The following COQ10B variants were observed in gnomAD, a reference collection of about 807,000 sequenced individuals.
COQ10B encodes coenzyme Q10B.
A neutral mutation model predicts 27.6 loss-of-function variants in COQ10B; 12 were observed. The observed-to-expected ratio is 0.43, with a 90% CI of 0.28 to 0.70. COQ10B has a LOEUF of 0.70. Ranked by LOEUF, COQ10B falls within the 30% of genes least tolerant of loss-of-function variation. COQ10B has a pLI of 0.17. For missense variants in COQ10B, 278 were observed against 288.7 expected, an observed-to-expected ratio of 0.96 and a Z score of 0.27; for synonymous variants, 115 against 103.0, an observed-to-expected ratio of 1.12 and a Z score of -0.71.
In COQ10B at chr2:197,470,121, T is replaced by C; in HGVS notation, c.499T>C (p.Phe167Leu). Residue 167 changes from phenylalanine (F) to leucine (L), a missense_variant, in exon 4 of 5, where the codon TTT (phenylalanine) becomes CTT (leucine). Physicochemically the swap from Phe to Leu is conservative, Grantham distance 22. Around this residue, in one of 3 missense-constraint regions of COQ10B, gnomAD observed 83 missense variants for 104.5 expected, o/e 0.79. Transcript: ENST00000263960. ...LFNHLETIWR[F>L]SPGLPGYPRT... is the part of the protein sequence containing the mutation. ...CAATCATTTGGAGACTATTTGGCGT[T>C]TTAGCCCAGGTCTTCCTGGCTACCC... The C allele has an allele frequency of 6.2e-7, 1 of 1,613,706 alleles. No individual in the cohort carries two copies. Among genetic ancestry groups the C allele is most frequent in the Non-Finnish European group, 8.5e-7 (1 of 1,179,686 alleles).
At chr2:197,470,355 A>C (rs937890661) in intron 4 of COQ10B, among the ~76,000 whole-genome samples, 184 bp downstream of exon 4, 1 of 152,238 alleles carries the variant, frequency 6.6e-6, no homozygotes, top group African/African-American at 2.4e-5. Context: ...GTTTTTTACA[A>C]ATCTGTAGAT....
At chr2:197,460,215 T>TC (rs949009474) in intron 2 of COQ10B, 134 bp downstream of exon 2, 6 of 568,192 alleles carry the variant, frequency 1.1e-5, no homozygotes, top group African/African-American at 6.0e-5. Flanking sequence ...TTTTTCTTTT[T>TC]TTTTTTTTTT....
intron 4 of COQ10B, among the ~76,000 whole-genome samples, chr2:197,473,057 G>A (rs990385938): frequency 2.7e-4 from 41 of 152,172 alleles, no homozygotes; most frequent in Admixed American, 2.1e-3. Context: ...TTAAGAAACA[G>A]ACTTTTTCCC....
At chr2:197,457,317 A>G (rs755901056) in intron 1 of COQ10B, among the ~76,000 whole-genome samples, 12 of 152,242 alleles carry the variant, frequency 7.9e-5, no homozygotes, top group Non-Finnish European at 1.6e-4. Flanking sequence ...TCAAATAGGT[A>G]GAAAGAGTAT....
In COQ10B at chr2:197,463,431, G is replaced by A. The variant is rs185388091; in HGVS notation, c.447+700G>A. ...GGTTGCAGTGTGCCGAGATAGTGCC[G>A]CTGCACTGCAGCCTGGGCAACACAG... On this transcript the variant is annotated intron_variant, in intron 3 of 4. Transcript: ENST00000263960. 4.4e-3 allele frequency among the ~76,000 whole-genome samples: 668 copies of A among 150,888 alleles called. 3 individuals carry two copies. Among genetic ancestry groups the A allele is most frequent in the African/African-American group, 0.016 (637 of 41,062 alleles).
chr2:197,464,066 T>TATAC (rs1553574174), intron 3 of COQ10B, among the ~76,000 whole-genome samples: 118 of 107,266 alleles, frequency 1.1e-3, no homozygotes, highest in South Asian at 9.8e-3. Context: ...TATATATATA[T>TATAC]ACACACACAC....
intron 4 of COQ10B, among the ~76,000 whole-genome samples, chr2:197,472,021 A>T (rs2085882811): frequency 6.6e-6 from 1 of 151,844 alleles, no homozygotes; most frequent in Non-Finnish European, 1.5e-5. Context: ...ATCTAGTAGT[A>T]GTAACTCCCT....
At position 197,473,764 on chromosome 2, in the gene COQ10B, T is replaced by C; in HGVS notation, c.557T>C (p.Phe186Ser). 1.3e-6 allele frequency: 2 copies of C among 1,488,990 alleles called. No homozygotes were observed. Among genetic ancestry groups the C allele is most frequent in the Non-Finnish European group, 1.8e-6 (2 of 1,113,082 alleles). The allele number at this position is 1,488,990 out of a possible 1,614,324, so 92.2% of individuals were successfully genotyped here. Reference protein sequence around the residue: ...RTCTLDFSISFEFRSLLHSQL... With the variant: ...RTCTLDFSISSEFRSLLHSQL... ...TTCAATATTTTCCTACAGATTTCTTTTGAATTTCGATCACTTCTACATTCC... is the reference window on the plus strand; with the variant it reads ...TTCAATATTTTCCTACAGATTTCTTCTGAATTTCGATCACTTCTACATTCC... The change falls in exon 5 of 5, where the codon TTT becomes TCT. Residue 186 changes from phenylalanine (F) to serine (S), a missense_variant. Physicochemically the swap from Phe to Ser is radical, Grantham distance 155. Transcript: ENST00000263960.
chr2:197,456,993 G>T (rs2106045006), intron 1 of COQ10B, among the ~76,000 whole-genome samples: 1 of 152,104 alleles, frequency 6.6e-6, no homozygotes, highest in South Asian at 2.1e-4. Flanking sequence ...CTACAAATGG[G>T]GGTGGTGGGG....
At chr2:197,455,487 G>A (rs1052345870) in intron 1 of COQ10B, among the ~76,000 whole-genome samples, 1 of 151,930 alleles carries the variant, frequency 6.6e-6, no homozygotes, top group Non-Finnish European at 1.5e-5. Context: ...GTGTGTGTGT[G>A]TATACACATA....
chr2:197,470,014 T>C, intron 3 of COQ10B, 56 bp from the exon 4 acceptor site: 1 of 1,040,014 alleles, frequency 9.6e-7, no homozygotes, highest in East Asian at 2.4e-5. Flanking sequence ...GATTCTTAGA[T>C]TATGTCCAGT....
At chr2:197,454,013 TG>T in intron 1 of COQ10B, 1 of 1,551,266 alleles carries the variant, frequency 6.4e-7, no homozygotes, top group Non-Finnish European at 8.7e-7. Flanking sequence ...GCAGAAGGGT[TG>T]CCGGCTGCTG....
At position 197,467,325 on chromosome 2, in the gene COQ10B, T is replaced by TTTGA. The variant is rs536980223; in HGVS notation, c.448-2728_448-2725dup. 3.2e-4 allele frequency among the ~76,000 whole-genome samples: 49 copies of TTTGA among 151,162 alleles called. No homozygotes were observed. The South Asian group carries it at 8.2e-3, about 25-fold the overall frequency. ...TCGCTCTTGTTACCCAGGTTCTGGATTTGATTGATTGATTGATTGAGATGG... is the reference window on the plus strand; with the variant it reads ...TCGCTCTTGTTACCCAGGTTCTGGATTTGATTGATTGATTGATTGATTGAGATGG... On this transcript the variant is annotated intron_variant, in intron 3 of 4. Coordinates refer to ENST00000263960, the MANE Select transcript of COQ10B (RefSeq NM_025147.5).
At chr2:197,463,976 TATATATATATATATATATATACAC>T (rs1206221443) in intron 3 of COQ10B, among the ~76,000 whole-genome samples, 3 of 73,812 alleles carry the variant, frequency 4.1e-5, no homozygotes, top group Non-Finnish European at 7.7e-5. Flanking sequence ...TATATATATA[TATATATATATATATATATATACAC>T]ACACACACAC....
chr2:197,457,220 G>A lies in COQ10B; in HGVS notation c.105-2712G>A, dbSNP rs140838480. Among the ~76,000 whole-genome samples the A allele has an allele frequency of 9.8e-4, 150 of 152,318 alleles. 1 individual carries two copies. The highest frequency in any genetic ancestry group is 3.4e-3 in the African/African-American group (143 of 41,568). On this transcript the variant is annotated intron_variant, in intron 1 of 4. Coordinates refer to ENST00000263960, the MANE Select transcript of COQ10B (RefSeq NM_025147.5). ...TGCAGCCTGGTTCCTAACAGGCCAC[G>A]GACAGGTACCAGTCCATGGCCTGGG...
intron 1 of COQ10B, among the ~76,000 whole-genome samples, chr2:197,455,858 T>C (rs1195906430): frequency 3.3e-5 from 5 of 151,962 alleles, no homozygotes; most frequent in Admixed American, 3.3e-4. Context: ...TCATTGGGAC[T>C]TGGGGTGGGA....
chr2:197,455,538 G>C (rs1329209201), intron 1 of COQ10B, among the ~76,000 whole-genome samples: 1 of 152,166 alleles, frequency 6.6e-6, no homozygotes, highest in Non-Finnish European at 1.5e-5. Flanking sequence ...GTTAGTGCAA[G>C]CTTGTGGTTC....
intron 1 of COQ10B, among the ~76,000 whole-genome samples, chr2:197,454,404 G>T (rs1574576040): frequency 6.6e-6 from 1 of 151,886 alleles, no homozygotes; most frequent in Non-Finnish European, 1.5e-5. Context: ...AATACGAGGT[G>T]GGGAGAGAAA....
intron 3 of COQ10B, among the ~76,000 whole-genome samples, chr2:197,469,516 G>T (rs990644852): frequency 6.6e-6 from 1 of 152,128 alleles, no homozygotes; most frequent in Non-Finnish European, 1.5e-5. Context: ...CAGGGCTAAG[G>T]GCCAGGACTA....
Sources: allele counts gnomAD v4.1 joint callset (sites outside exome capture counted in the v4.1 genomes callset), GRCh38; gene constraint gnomAD v4.1.1; regional missense constraint gnomAD v4.1.1; transcripts MANE v1.5; gene names NCBI Gene and HGNC (gene_info 2026-07-23, HGNC 2026-07-21).